ITGA9: variants seen among roughly 807,000 people sequenced by gnomAD.
ITGA9 encodes integrin subunit alpha 9.
A neutral mutation model predicts 127.8 loss-of-function variants in ITGA9; 56 were observed. The observed-to-expected ratio is 0.44, with a 90% CI of 0.35 to 0.55. The LOEUF (loss-of-function observed/expected upper bound fraction) is 0.55. ITGA9 is among the 20% of genes least tolerant of loss of function. ITGA9 has a pLI of 0.00. For synonymous variants in ITGA9, 508 were observed against 514.5 expected, an observed-to-expected ratio of 0.99 and a Z score of 0.17; for missense variants, 1,196 against 1,347.1, an observed-to-expected ratio of 0.89 and a Z score of 1.76.
At chr3:37,718,966 C>T (rs1701162444) in intron 18 of ITGA9, among the ~76,000 whole-genome samples, 1 of 152,214 alleles carries the variant, frequency 6.6e-6, no homozygotes, top group South Asian at 2.1e-4. Context: ...CTGGGTGTGG[C>T]ATCTCTGGCT....
intron 25 of ITGA9, among the ~76,000 whole-genome samples, chr3:37,781,949 G>A (rs1292849615): frequency 6.6e-6 from 1 of 152,166 alleles, no homozygotes; most frequent in Non-Finnish European, 1.5e-5. Flanking sequence ...AAACTGGTTT[G>A]GGGCAAGTTG....
rs553533518 is a variant in ITGA9, at chr3:37,528,604, G to A, written c.1373+2533G>A. 6.6e-5 allele frequency among the ~76,000 whole-genome samples: 10 copies of A among 152,322 alleles called. No individual in the cohort carries two copies. The South Asian group carries it at 2.1e-3, about 32-fold the overall frequency. ...GCCATGCATCAGATCCTGGGGATTT[G>A]ATGGGAAACCTGACCTAGCCTGTGA... On this transcript the variant is annotated intron_variant, in intron 13 of 27. Transcript: ENST00000264741.
intron 4 of ITGA9, among the ~76,000 whole-genome samples, chr3:37,482,256 G>A (rs976008124): frequency 8.5e-5 from 13 of 152,206 alleles, no homozygotes; most frequent in African/African-American, 2.9e-4. Flanking sequence ...AGAATTGGGC[G>A]CATCCTGAAT....
chr3:37,500,665 G>A (rs1698778629), intron 5 of ITGA9, among the ~76,000 whole-genome samples: 1 of 152,200 alleles, frequency 6.6e-6, no homozygotes, highest in African/African-American at 2.4e-5. Flanking sequence ...ATTGTCCTCA[G>A]AAATTCTAAA....
chr3:37,616,693 G>C (rs988488796), intron 15 of ITGA9, among the ~76,000 whole-genome samples: 28 of 152,284 alleles, frequency 1.8e-4, no homozygotes, highest in African/African-American at 6.7e-4. Flanking sequence ...TCTTCTTGTT[G>C]AATTGATCCC....
intron 17 of ITGA9, among the ~76,000 whole-genome samples, chr3:37,672,047 A>C (rs1229656474): frequency 6.6e-6 from 1 of 152,174 alleles, no homozygotes; most frequent in Non-Finnish European, 1.5e-5. Context: ...ACAAGTATCC[A>C]GATAGATGCT....
chr3:37,486,591 C>G (rs1002121734), intron 4 of ITGA9, among the ~76,000 whole-genome samples: 17 of 152,130 alleles, frequency 1.1e-4, no homozygotes, highest in African/African-American at 2.4e-5. Context: ...CAGAAGGTGT[C>G]TAACATATCC....
intron 6 of ITGA9, among the ~76,000 whole-genome samples, chr3:37,504,783 C>T (rs1403065824): frequency 1.3e-5 from 2 of 152,108 alleles, no homozygotes; most frequent in Non-Finnish European, 2.9e-5. Flanking sequence ...TACTATCAGT[C>T]GCCAGTCTGA....
At chr3:37,599,328 G>A (rs2125619701) in intron 15 of ITGA9, among the ~76,000 whole-genome samples, 1 of 152,330 alleles carries the variant, frequency 6.6e-6, no homozygotes, top group Admixed American at 6.5e-5. Context: ...AGGCTGGCTG[G>A]AGGCTGGCTC....
chr3:37,708,674 C>CACACAACAAGAAA (rs1575202758), intron 18 of ITGA9, among the ~76,000 whole-genome samples: 1 of 152,200 alleles, frequency 6.6e-6, no homozygotes, highest in Non-Finnish European at 1.5e-5. Context: ...GACAGCTCCC[C>CACACAACAAGAAA]ATACAACAAA....
At chr3:37,739,041 A>T (rs1696400682) in intron 20 of ITGA9, among the ~76,000 whole-genome samples, 1 of 152,214 alleles carries the variant, frequency 6.6e-6, no homozygotes, top group African/African-American at 2.4e-5. Flanking sequence ...TGGAGTTTTC[A>T]GAAGGGCTCA....
intron 13 of ITGA9, among the ~76,000 whole-genome samples, chr3:37,530,293 T>C (rs1699136301): frequency 6.6e-6 from 1 of 152,146 alleles, no homozygotes; most frequent in African/African-American, 2.4e-5. Context: ...ATGTTAGATT[T>C]TGAGTTACTT....
intron 15 of ITGA9, among the ~76,000 whole-genome samples, chr3:37,578,322 A>G (rs1699672578): frequency 6.6e-6 from 1 of 152,220 alleles, no homozygotes; most frequent in Non-Finnish European, 1.5e-5. Flanking sequence ...TGTGCCTTAT[A>G]GGCCAGTGTG....
intron 18 of ITGA9, among the ~76,000 whole-genome samples, chr3:37,703,807 C>T (rs1700974088): frequency 6.6e-6 from 1 of 152,202 alleles, no homozygotes; most frequent in Admixed American, 6.5e-5. Flanking sequence ...TTAACCCTCA[C>T]AGCAACCCAG....
At chr3:37,566,971 C>T (rs1219253829) in intron 15 of ITGA9, among the ~76,000 whole-genome samples, 2 of 152,154 alleles carry the variant, frequency 1.3e-5, no homozygotes, top group African/African-American at 4.8e-5. Context: ...AAATGCTCGC[C>T]TTCCTGGGTT....
intron 19 of ITGA9, among the ~76,000 whole-genome samples, chr3:37,735,470 G>T (rs894476097): frequency 2.6e-5 from 4 of 152,224 alleles, no homozygotes; most frequent in Non-Finnish European, 5.9e-5. Context: ...GTAGAATTCA[G>T]TGTTGCAAAT....
chr3:37,695,968 G>C (rs1399199567), intron 18 of ITGA9, among the ~76,000 whole-genome samples: 1 of 152,086 alleles, frequency 6.6e-6, no homozygotes, highest in Non-Finnish European at 1.5e-5. Flanking sequence ...TCCAAGGCTG[G>C]GCTTTCCCTG....
At chr3:37,459,207 T>G (rs1246910921) in intron 1 of ITGA9, among the ~76,000 whole-genome samples, 5 of 152,260 alleles carry the variant, frequency 3.3e-5, no homozygotes, top group African/African-American at 9.6e-5. Context: ...GCTATCTACA[T>G]TGGTACTCAT....
chr3:37,625,258 C>G (rs1700165568), intron 15 of ITGA9, among the ~76,000 whole-genome samples: 1 of 152,194 alleles, frequency 6.6e-6, no homozygotes, highest in Non-Finnish European at 1.5e-5. Context: ...GTATGTGTTG[C>G]ACTGCGTTGT....
Sources: gnomAD v4.1 joint callset for allele counts (sites outside exome capture counted in the v4.1 genomes callset) on GRCh38, gnomAD v4.1.1 for gene constraint, MANE v1.5 for transcripts, NCBI Gene and HGNC (gene_info 2026-07-23, HGNC 2026-07-21) for gene names.